Variants in LPP observed in about 807,000 individuals in gnomAD.
LPP encodes the protein LIM domain containing preferred translocation partner in lipoma.
Under a neutral mutation model 60.4 loss-of-function variants are expected in LPP, and 38 were observed. That is an observed-to-expected ratio of 0.63 (90% CI 0.49 to 0.83). The LOEUF (loss-of-function observed/expected upper bound fraction) is 0.83. Among genes scored for constraint, LPP ranks in the 40% least tolerant of loss-of-function variants. The pLI, the probability that LPP is intolerant of heterozygous loss-of-function variation, is 0.00. For synonymous variants in LPP, 328 were observed against 290.8 expected (o/e 1.13, Z -1.30); for missense variants, 902 against 783.6 (o/e 1.15, Z -1.80).
At chr3:188,698,404 GA>G (rs1863727639) in intron 7 of LPP, among the ~76,000 whole-genome samples, 1 of 151,922 alleles carries the variant, frequency 6.6e-6, no homozygotes, top group African/African-American at 2.4e-5. Flanking sequence ...TAATTAATGG[GA>G]AAAACTGAGT....
chr3:188,691,247 G>A (rs1862060015), intron 7 of LPP, among the ~76,000 whole-genome samples: 1 of 152,304 alleles, frequency 6.6e-6, no homozygotes, highest in Non-Finnish European at 1.5e-5. Flanking sequence ...AATAGGTACT[G>A]ATAATGCCAC....
chr3:188,639,916 G>T (rs766221860), intron 7 of LPP, among the ~76,000 whole-genome samples: 7 of 151,938 alleles, frequency 4.6e-5, no homozygotes, highest in African/African-American at 1.7e-4. Flanking sequence ...TTACACTGTT[G>T]GTGGGACTGT....
chr3:188,336,640 G>A (rs1761721148), intron 2 of LPP, among the ~76,000 whole-genome samples: 1 of 152,214 alleles, frequency 6.6e-6, no homozygotes, highest in South Asian at 2.1e-4. Context: ...TGTGCCCTGA[G>A]TGGGGGCAGA....
At chr3:188,844,601 A>T (rs1326922620) in intron 9 of LPP, among the ~76,000 whole-genome samples, 1 of 152,222 alleles carries the variant, frequency 6.6e-6, no homozygotes, top group African/African-American at 2.4e-5. Flanking sequence ...GTATTTATTC[A>T]TATATTAGTC....
intron 4 of LPP, among the ~76,000 whole-genome samples, chr3:188,413,965 C>G (rs1785509741): frequency 6.6e-6 from 1 of 151,992 alleles, no homozygotes; most frequent in South Asian, 2.1e-4. Context: ...CATAAAATAC[C>G]TTATAACTCT....
intron 5 of LPP, among the ~76,000 whole-genome samples, chr3:188,518,453 G>A (rs992762926): frequency 5.3e-5 from 8 of 152,306 alleles, no homozygotes; most frequent in Admixed American, 3.9e-4. Flanking sequence ...AGTTATCAGG[G>A]AAAGCTTTTC....
intron 4 of LPP, among the ~76,000 whole-genome samples, chr3:188,423,269 G>T (rs1788360241): frequency 6.6e-6 from 1 of 152,090 alleles, no homozygotes; most frequent in Non-Finnish European, 1.5e-5. Context: ...TCCCTGCAAA[G>T]GACATGAACT....
chr3:188,657,791 C>T (rs1451445960), intron 7 of LPP, among the ~76,000 whole-genome samples: 1 of 152,100 alleles, frequency 6.6e-6, no homozygotes, highest in Non-Finnish European at 1.5e-5. Context: ...TATAAGTTGG[C>T]TAAGCTCAAA....
In LPP at chr3:188,877,176, T is replaced by C. The variant is rs62289901; in HGVS notation, c.*2697T>C. ...TGTCTTTTCTATTAATCATTTGATT[T>C]AAACAATGCCAAGTCACTCTTTTTT... On this transcript the variant is annotated 3_prime_UTR_variant, in exon 12 of 12. Coordinates refer to ENST00000617246, the MANE Select transcript of LPP (RefSeq NM_001375462.1). The C allele has an allele frequency of 5.7e-6, 1 of 175,158 alleles. No homozygotes were observed. Among genetic ancestry groups the C allele is most frequent in the South Asian group, 2.0e-4 (1 of 5,018 alleles). 10.9% of individuals were successfully genotyped at this position (175,158 alleles called of 1,614,324 possible). A position where few individuals can be genotyped will look rare whatever the true frequency, so the allele number is the denominator to read the frequency against.
At chr3:188,709,711 T>G (rs779483153) in intron 8 of LPP, 1 of 152,192 alleles carries the variant, frequency 6.6e-6, no homozygotes. Context: ...TGGTAAAGAA[T>G]TGGTGGCACT....
At chr3:188,153,830 A>G (rs1715179156), upstream of LPP, 2 of 132,606 alleles carry the variant, frequency 1.5e-5, no homozygotes, top group South Asian at 2.7e-4. Context: ...TCCAGCGCTC[A>G]GGGCACCGCA....
intron 2 of LPP, among the ~76,000 whole-genome samples, chr3:188,300,679 T>TA (rs1433831589): frequency 6.6e-6 from 1 of 152,172 alleles, no homozygotes; most frequent in Non-Finnish European, 1.5e-5. Context: ...ACAGAAATAC[T>TA]AAAAAATAGA....
intron 8 of LPP, among the ~76,000 whole-genome samples, chr3:188,733,881 G>A (rs151163945): frequency 6.3e-4 from 96 of 152,160 alleles, no homozygotes; most frequent in African/African-American, 2.2e-3. Context: ...CTATGATATA[G>A]GCGTATTTCT....
chr3:188,334,357 G>GT (rs71167094), intron 2 of LPP, among the ~76,000 whole-genome samples: 23,878 of 132,318 alleles, frequency 0.18, 2,237 homozygotes, highest in East Asian at 0.48. Flanking sequence ...TATTGAAAAT[G>GT]TTTTTTTTTT....
At chr3:188,313,082 A>G (rs1309150505) in intron 2 of LPP, among the ~76,000 whole-genome samples, 1 of 152,104 alleles carries the variant, frequency 6.6e-6, no homozygotes, top group Non-Finnish European at 1.5e-5. Context: ...ATGTATACAT[A>G]TGTAACAAAT....
At chr3:188,668,238 G>C (rs922094314) in intron 7 of LPP, among the ~76,000 whole-genome samples, 2 of 151,964 alleles carry the variant, frequency 1.3e-5, no homozygotes, top group African/African-American at 2.4e-5. Flanking sequence ...TATTCTTAAA[G>C]ATGATGTGTT....
chr3:188,326,253 T>C (rs538767399), intron 2 of LPP, among the ~76,000 whole-genome samples: 76 of 152,322 alleles, frequency 5.0e-4, no homozygotes, highest in Admixed American at 8.5e-4. Context: ...ATGTGAACCT[T>C]TATTATTATG....
At position 188,609,615 on chromosome 3, in the gene LPP, G is replaced by A. The variant is rs144028840; in HGVS notation, c.884G>A (p.Arg295His). 1.8e-4 allele frequency: 283 copies of A among 1,614,156 alleles called. No homozygotes were observed. In the African/African-American group the frequency reaches 2.8e-3, roughly 16 times the overall value. The change falls in exon 7 of 12, where the codon CGC (arginine) becomes CAC (histidine). Residue 295 changes from arginine (R) to histidine (H), a missense_variant. Physicochemically the swap from Arg to His is conservative, Grantham distance 29. Transcript: ENST00000617246. This position sits in a 1 kb window ranked among gnomAD's most constrained non-coding sequence, Gnocchi z 6.9. The stretch of plus-strand genomic sequence containing the variant: ...TATGGGTATGCCCCCAACCAGGGAC[G>A]CTATTATGAAGGCTACTATGCAGCA... The part of the protein sequence containing the change: ...PGYGYAPNQG[R>H]YYEGYYAAGP...
chr3:188,479,071 A>G (rs1019640828), intron 4 of LPP, among the ~76,000 whole-genome samples: 3 of 152,130 alleles, frequency 2.0e-5, no homozygotes, highest in Admixed American at 6.5e-5. Context: ...ATTAATGGAA[A>G]TGAATAACCG....
Sources: allele counts gnomAD v4.1 joint callset (sites outside exome capture counted in the v4.1 genomes callset), GRCh38; gene constraint gnomAD v4.1.1; non-coding constraint Gnocchi (gnomAD v3.1); transcripts MANE v1.5; gene names NCBI Gene and HGNC (gene_info 2026-07-23, HGNC 2026-07-21).